Variants in IL1RAPL1 observed in about 807,000 individuals in gnomAD.
IL1RAPL1 encodes interleukin 1 receptor accessory protein like 1.
In IL1RAPL1, 3 loss-of-function variants were observed where a neutral mutation model predicts 48.4. The observed-to-expected ratio is 0.06, with a 90% CI of 0.03 to 0.16. The LOEUF (loss-of-function observed/expected upper bound fraction) is 0.16. IL1RAPL1 is among the 10% of genes least tolerant of loss of function. The pLI, the probability that IL1RAPL1 is intolerant of heterozygous loss-of-function variation, is 1.00. For synonymous variants in IL1RAPL1, 185 were observed against 187.7 expected, an observed-to-expected ratio of 0.99 and a Z score of 0.12; for missense variants, 349 against 530.6, an observed-to-expected ratio of 0.66 and a Z score of 3.36.
intron 2 of IL1RAPL1, among the ~76,000 whole-genome samples, chrX:28,830,601 C>T (rs1921018520): frequency 9.0e-6 from 1 of 111,178 alleles, no homozygotes; most frequent in South Asian, 3.8e-4. Flanking sequence ...TGTGCATATT[C>T]TTGCAATCGC....
chrX:29,399,006 T>G, intron 4 of IL1RAPL1, 149 bp from the exon 5 acceptor site: 1 of 441,799 alleles, frequency 2.3e-6, no homozygotes, highest in Non-Finnish European at 3.9e-6. Flanking sequence ...CCAGAGATTT[T>G]GAGAAGAAAT....
intron 6 of IL1RAPL1, among the ~76,000 whole-genome samples, chrX:29,875,036 C>T (rs751791465): frequency 4.4e-4 from 49 of 111,996 alleles, no homozygotes; most frequent in Non-Finnish European, 7.5e-4. Flanking sequence ...CCCACACATA[C>T]ACTTCTCTAA....
At chrX:29,090,932 G>A (rs1379478169) in intron 2 of IL1RAPL1, among the ~76,000 whole-genome samples, 1 of 111,724 alleles carries the variant, frequency 9.0e-6, no homozygotes, top group Non-Finnish European at 1.9e-5. Context: ...AGATGTTGGA[G>A]AAATTCACAA....
At chrX:28,973,596 C>G (rs965111314) in intron 2 of IL1RAPL1, among the ~76,000 whole-genome samples, 3 of 112,047 alleles carry the variant, frequency 2.7e-5, no homozygotes, top group Admixed American at 1.9e-4. Flanking sequence ...AATTTGTCAG[C>G]TGGACTCACG....
chrX:28,758,666 C>A (rs1194541971), intron 1 of IL1RAPL1, among the ~76,000 whole-genome samples: 1 of 111,487 alleles, frequency 9.0e-6, no homozygotes, highest in Non-Finnish European at 1.9e-5. Context: ...GGATGCTCAG[C>A]ATTGTAGAAT....
intron 5 of IL1RAPL1, among the ~76,000 whole-genome samples, chrX:29,556,079 A>G (rs1299607264): frequency 1.8e-5 from 2 of 111,572 alleles, no homozygotes; most frequent in African/African-American, 3.3e-5. Context: ...AGGACATGTC[A>G]TCTACCTCCC....
intron 1 of IL1RAPL1, among the ~76,000 whole-genome samples, chrX:28,654,653 A>G (rs923486926): frequency 8.9e-6 from 1 of 112,212 alleles, no homozygotes; most frequent in Non-Finnish European, 1.9e-5. Context: ...ATACGTGGAT[A>G]GAAAATATCA....
intron 3 of IL1RAPL1, among the ~76,000 whole-genome samples, chrX:29,388,777 G>A (rs1933817047): frequency 8.9e-6 from 1 of 112,221 alleles, no homozygotes; most frequent in African/African-American, 3.2e-5. Flanking sequence ...TTATTGTAGG[G>A]AGAGAGGAAA....
chrX:28,664,900 C>G (rs895354790), intron 1 of IL1RAPL1, among the ~76,000 whole-genome samples: 1 of 107,161 alleles, frequency 9.3e-6, no homozygotes, highest in Admixed American at 1.0e-4. Flanking sequence ...GAACTGTAGA[C>G]TACTTGCTAG....
At chrX:29,717,871 A>G (rs745446940) in intron 6 of IL1RAPL1, among the ~76,000 whole-genome samples, 100 of 112,177 alleles carry the variant, frequency 8.9e-4, no homozygotes, top group Non-Finnish European at 1.7e-3. Flanking sequence ...CCTTTCAACC[A>G]ACAGCTTCTT....
intron 6 of IL1RAPL1, among the ~76,000 whole-genome samples, chrX:29,679,562 T>C (rs1926388119): frequency 1.8e-5 from 2 of 111,865 alleles, no homozygotes; most frequent in African/African-American, 6.5e-5. Context: ...AAACAAGATA[T>C]TGTTCTTAGG....
rs150389121 is a variant in IL1RAPL1, at chrX:29,856,046, T to C, written c.779-61418T>C. ...TCTATTAAAGAAAAGTGCGTATACC[T>C]ACATGCATATACCATGCACCATTTC... On this transcript the variant is annotated intron_variant, in intron 6 of 10. Transcript: ENST00000378993. Among the ~76,000 whole-genome samples, 598 of 112,042 alleles carry C rather than the reference T, an allele frequency of 5.3e-3. 2 individuals carry two copies. The highest frequency in any genetic ancestry group is 0.019 in the African/African-American group (583 of 30,895).
At chrX:29,619,199 T>C (rs1324960865) in intron 5 of IL1RAPL1, among the ~76,000 whole-genome samples, 1 of 112,062 alleles carries the variant, frequency 8.9e-6, no homozygotes, top group Non-Finnish European at 1.9e-5. Context: ...TCCGATGAAC[T>C]GATATGCAAC....
intron 2 of IL1RAPL1, among the ~76,000 whole-genome samples, chrX:29,009,765 G>A (rs1926080404): frequency 9.0e-6 from 1 of 111,447 alleles, no homozygotes; most frequent in African/African-American, 3.3e-5. Flanking sequence ...TATAAATTCT[G>A]GAATAGTTTT....
intron 5 of IL1RAPL1, among the ~76,000 whole-genome samples, chrX:29,460,775 A>T (rs892480555): frequency 1.3e-4 from 15 of 112,053 alleles, no homozygotes; most frequent in Non-Finnish European, 2.6e-4. Context: ...CCTGCCTGTG[A>T]CACAGAAATA....
intron 3 of IL1RAPL1, among the ~76,000 whole-genome samples, chrX:29,283,589 CAGAT>C (rs1932235617): frequency 8.9e-6 from 1 of 112,221 alleles, no homozygotes; most frequent in African/African-American, 3.2e-5. Context: ...CCTTCGCAGA[CAGAT>C]AGAGCATGGA....
At chrX:28,717,731 G>C (rs1935521034) in intron 1 of IL1RAPL1, among the ~76,000 whole-genome samples, 1 of 111,089 alleles carries the variant, frequency 9.0e-6, no homozygotes, top group East Asian at 2.8e-4. Context: ...AGTGGGGAGG[G>C]GGACTGGAGG....
intron 2 of IL1RAPL1, among the ~76,000 whole-genome samples, chrX:28,792,816 A>AAAAAAATATAT (rs1936562170): frequency 9.9e-5 from 1 of 10,109 alleles, no homozygotes; most frequent in Non-Finnish European, 1.8e-4. Flanking sequence ...AAAAAAAAAA[A>AAAAAAATATAT]ATATATATAT....
chrX:29,505,196 T>C (rs990972884), intron 5 of IL1RAPL1, among the ~76,000 whole-genome samples: 1 of 112,097 alleles, frequency 8.9e-6, no homozygotes, highest in Non-Finnish European at 1.9e-5. Context: ...AGATTTATAT[T>C]GCCTATCTCT....
Sources: gnomAD v4.1 joint callset for allele counts (sites outside exome capture counted in the v4.1 genomes callset) on GRCh38, gnomAD v4.1.1 for gene constraint, MANE v1.5 for transcripts, NCBI Gene and HGNC (gene_info 2026-07-23, HGNC 2026-07-21) for gene names.